EXOC3L2: variants seen among roughly 807,000 people sequenced by gnomAD.
The protein encoded by EXOC3L2 is exocyst complex component 3 like 2, also known as exocyst complex component 3-like protein 2.
Under a neutral mutation model 44.4 loss-of-function variants are expected in EXOC3L2, and 17 were observed. The ratio of observed to expected loss-of-function variants is 0.38; its 90% CI spans 0.26 to 0.57. The LOEUF is 0.57. Ranked by LOEUF, EXOC3L2 falls within the 20% of genes least tolerant of loss-of-function variation. The pLI is 0.65. For synonymous variants in EXOC3L2, 256 were observed against 253.7 expected (o/e 1.01, Z -0.09); for missense variants, 541 against 588.4 (o/e 0.92, Z 0.83).
chr19:45,227,342 C>A (rs187965151), intron 7 of EXOC3L2, among the ~76,000 whole-genome samples: 1 of 151,734 alleles, frequency 6.6e-6, no homozygotes, highest in East Asian at 1.9e-4. Context: ...AGGATGGTCT[C>A]GATCTCCTGA....
At chr19:45,231,175 T>C (rs346751) in intron 4 of EXOC3L2, among the ~76,000 whole-genome samples, 72,128 of 152,004 alleles carry the variant, frequency 0.47, 17,915 homozygotes, top group African/African-American at 0.6. Flanking sequence ...TTAAGTAGCA[T>C]TGACTGATTT....
intron 7 of EXOC3L2, among the ~76,000 whole-genome samples, chr19:45,225,119 G>A (rs2122969452): frequency 6.6e-6 from 1 of 151,172 alleles, no homozygotes; most frequent in Non-Finnish European, 1.5e-5. Context: ...GGACGTCAGG[G>A]GACTCATGGA....
At chr19:45,214,375 G>C (rs1969811485) in intron 11 of EXOC3L2, among the ~76,000 whole-genome samples, 1 of 152,156 alleles carries the variant, frequency 6.6e-6, no homozygotes, top group African/African-American at 2.4e-5. Context: ...CGTTGCTCCG[G>C]CAGCCACCAC....
intron 4 of EXOC3L2, among the ~76,000 whole-genome samples, chr19:45,230,645 G>A (rs909324767): frequency 4.6e-5 from 7 of 152,118 alleles, no homozygotes; most frequent in Admixed American, 2.0e-4. Context: ...CACCGCGCCC[G>A]GCCAAGGGTC....
rs1284538898 is a variant in EXOC3L2 at position 45,234,444 on chromosome 19, C to T, written c.906G>A (p.Glu302=). The T allele has an allele frequency of 4.4e-5, 12 of 272,194 alleles. No individual in the cohort carries two copies. Among genetic ancestry groups the T allele is most frequent in the Admixed American group, 1.1e-4 (2 of 18,490 alleles). The allele number at this position is 272,194 out of a possible 1,614,324, so 16.9% of individuals were successfully genotyped here. ...AVARAARERL[E]AAAPGAPGGL... ...CCCCGGGCGCCCCGGGAGCCGCTGC[C>T]TCTAGGCGCTCCCGGGCCGCGCGCG... Residue 302 remains glutamate (E), a synonymous_variant, in exon 3 of 12, where the codon GAG becomes GAA. Coordinates refer to ENST00000413988, the MANE Select transcript of EXOC3L2 (RefSeq NM_001382422.1). This position sits in a 1 kb window ranked among gnomAD's most constrained non-coding sequence, Gnocchi z 5.0.
At chr19:45,217,743 G>A (rs972852540) in intron 9 of EXOC3L2, 60 bp from the exon 10 acceptor site, 5 of 1,379,884 alleles carry the variant, frequency 3.6e-6, no homozygotes, top group Non-Finnish European at 9.3e-7. Context: ...CTCCCATCCC[G>A]CCAGTCTGAA....
At chr19:45,237,605 G>A (rs1299514072) in intron 2 of EXOC3L2, among the ~76,000 whole-genome samples, 1 of 152,110 alleles carries the variant, frequency 6.6e-6, no homozygotes, top group Non-Finnish European at 1.5e-5. Flanking sequence ...ATAAGTGTGG[G>A]GTGAGAACAG....
chr19:45,231,708 G>A (rs1436913549), intron 4 of EXOC3L2, 55 bp downstream of exon 4: 3 of 1,490,036 alleles, frequency 2.0e-6, no homozygotes, highest in Non-Finnish European at 2.8e-6. Flanking sequence ...CAAGCCCACT[G>A]TGACCCCCTC....
At chr19:45,224,288 G>A (rs948947614) in intron 8 of EXOC3L2, among the ~76,000 whole-genome samples, 3 of 152,118 alleles carry the variant, frequency 2.0e-5, no homozygotes, top group Non-Finnish European at 2.9e-5. Flanking sequence ...TGCTCTGCGT[G>A]AGCTGGGAGT....
At position 45,212,949 on chromosome 19, in the gene EXOC3L2, A is replaced by C; in HGVS notation, c.*120T>G. 1 of 1,178,804 alleles carries C rather than the reference A, an allele frequency of 8.5e-7. No individual in the cohort carries two copies. The highest frequency in any genetic ancestry group is 1.1e-6 in the Non-Finnish European group (1 of 889,266). 73.0% of individuals were successfully genotyped at this position (1,178,804 alleles called of 1,614,324 possible). On this transcript the variant is annotated 3_prime_UTR_variant, in exon 12 of 12. Transcript: ENST00000413988. ...TTTGGGGTTGGGTGAAAAGACATCT[A>C]AGGGTCTTTCTATCCCAGGGGTGTG...
chr19:45,222,630 G>GTC (rs1162517598), intron 8 of EXOC3L2, among the ~76,000 whole-genome samples: 1 of 151,862 alleles, frequency 6.6e-6, no homozygotes, highest in Non-Finnish European at 1.5e-5. Context: ...CTCTGTCTGT[G>GTC]TCTCTCTCTC....
At position 45,228,241 on chromosome 19, in the gene EXOC3L2, C is replaced by T. The variant is rs143269965; in HGVS notation, c.1295G>A (p.Arg432His). 1.2e-4 allele frequency: 191 copies of T among 1,613,900 alleles called. No homozygotes were observed. The highest frequency in any genetic ancestry group is 1.5e-4 in the Non-Finnish European group (182 of 1,180,000). Residue 432 changes from arginine (R) to histidine (H), a missense_variant, in exon 5 of 12, where the codon CGT becomes CAT. Coordinates refer to ENST00000413988, the MANE Select transcript of EXOC3L2 (RefSeq NM_001382422.1). ...GTGCTCTTCGTCCTCCTGCAGCACACGGAGAAGGGCAGCCCGGGTCTGAGC... is the reference window on the plus strand; with the variant it reads ...GTGCTCTTCGTCCTCCTGCAGCACATGGAGAAGGGCAGCCCGGGTCTGAGC... The part of the protein sequence containing the change: ...VKAQTRAALL[R>H]VLQEDEEHWG...
At position 45,240,512 on chromosome 19, in the gene EXOC3L2, T is replaced by C. The variant is rs776380576; in HGVS notation, c.-16-1451A>G. ...CTGCTAATGGATGCAGGGTTTCCTT[T>C]TGGGGAAAGGAAGACACTCTGGAAC... On this transcript the variant is annotated intron_variant, in intron 1 of 11. Coordinates refer to ENST00000413988, the MANE Select transcript of EXOC3L2 (RefSeq NM_001382422.1). Among the ~76,000 whole-genome samples the C allele has an allele frequency of 3.9e-5, 6 of 152,070 alleles. No homozygotes were observed. In the South Asian group the frequency reaches 6.2e-4, roughly 16 times the overall value.
intron 11 of EXOC3L2, among the ~76,000 whole-genome samples, chr19:45,214,258 G>C (rs1871501659): frequency 6.6e-6 from 1 of 152,040 alleles, no homozygotes; most frequent in African/African-American, 2.4e-5. Flanking sequence ...CCCACCCTCA[G>C]TGCTGAAACT....
intron 11 of EXOC3L2, 22 bp downstream of exon 11, chr19:45,216,051 T>C (rs1320011132): frequency 1.2e-6 from 2 of 1,612,504 alleles, no homozygotes; most frequent in Admixed American, 1.7e-5. Context: ...CGGCGAGCCC[T>C]GGCCCAGGCG....
chr19:45,235,263 C>T (rs1274936149), intron 2 of EXOC3L2, among the ~76,000 whole-genome samples: 1 of 152,040 alleles, frequency 6.6e-6, no homozygotes, highest in Non-Finnish European at 1.5e-5. Context: ...CCACTGCACC[C>T]CAGCCTGGGC....
chr19:45,216,043 G>C, intron 11 of EXOC3L2, 30 bp downstream of exon 11: 1 of 1,610,952 alleles, frequency 6.2e-7, no homozygotes, highest in Non-Finnish European at 8.5e-7. Flanking sequence ...GCCAGGCACG[G>C]CGAGCCCTGG....
At position 45,216,179 on chromosome 19, in the gene EXOC3L2, A is replaced by G; in HGVS notation, c.2014T>C (p.Trp672Arg). The G allele has an allele frequency of 6.2e-7, 1 of 1,613,422 alleles. No homozygotes were observed. Among genetic ancestry groups the G allele is most frequent in the Non-Finnish European group, 8.5e-7 (1 of 1,179,714 alleles). The change falls in exon 11 of 12, where the codon TGG becomes CGG. Residue 672 changes from tryptophan (W) to arginine (R), a missense_variant. Trp to Arg is a moderately radical substitution (Grantham distance 101). Transcript: ENST00000413988. ...LFRRLESQAS[W>R]LDAVVPHLAE... ...AAATGGGGCACCACGGCATCCAGCCACGAGGCCTGGGACTCCTGCAGGGGA... is the reference window on the plus strand; with the variant it reads ...AAATGGGGCACCACGGCATCCAGCCGCGAGGCCTGGGACTCCTGCAGGGGA...
chr19:45,225,790 T>C (rs1969953859), intron 7 of EXOC3L2, among the ~76,000 whole-genome samples: 1 of 151,946 alleles, frequency 6.6e-6, no homozygotes, highest in African/African-American at 2.4e-5. Context: ...ACCTGGCTAA[T>C]TTTTGTATTT....
Sources: allele counts gnomAD v4.1 joint callset (sites outside exome capture counted in the v4.1 genomes callset), GRCh38; gene constraint gnomAD v4.1.1; non-coding constraint Gnocchi (gnomAD v3.1); transcripts MANE v1.5; gene names NCBI Gene and HGNC (gene_info 2026-07-23, HGNC 2026-07-21).